OPRM1: variants seen among roughly 807,000 people sequenced by gnomAD.
OPRM1 encodes the protein opioid receptor mu 1.
In OPRM1, 27 loss-of-function variants were observed where a neutral mutation model predicts 31.8. That is an observed-to-expected ratio of 0.85 (90% confidence interval 0.63 to 1.17). The LOEUF (loss-of-function observed/expected upper bound fraction) is 1.17. Among genes scored for constraint, OPRM1 ranks in the 50% most tolerant of loss-of-function variants. The pLI, the probability that OPRM1 is intolerant of heterozygous loss-of-function variation, is 0.00. For synonymous variants in OPRM1, 196 were observed against 189.9 expected (o/e 1.03, Z -0.26); for missense variants, 536 against 511.1 (o/e 1.05, Z -0.47).
At chr6:154,194,204 AG>A (rs1776396742) in intron 3 of OPRM1, among the ~76,000 whole-genome samples, 1 of 152,222 alleles carries the variant, frequency 6.6e-6, no homozygotes, top group Non-Finnish European at 1.5e-5. Context: ...GTTCGAGACC[AG>A]CCTGACCAAC....
At chr6:154,076,893 C>T (rs1787987899) in intron 1 of OPRM1, among the ~76,000 whole-genome samples, 1 of 151,876 alleles carries the variant, frequency 6.6e-6, no homozygotes, top group South Asian at 2.1e-4. Context: ...TTATTTTGTT[C>T]CTTTCCAATA....
At chr6:154,013,747 T>A (rs1777853659) in intron 1 of OPRM1, among the ~76,000 whole-genome samples, 1 of 152,094 alleles carries the variant, frequency 6.6e-6, no homozygotes, top group Non-Finnish European at 1.5e-5. Flanking sequence ...AAGCTGACCC[T>A]GGCTAAGGTG....
At chr6:154,165,865 G>A (rs1227549625) in intron 3 of OPRM1, among the ~76,000 whole-genome samples, 2 of 152,256 alleles carry the variant, frequency 1.3e-5, no homozygotes, top group Non-Finnish European at 2.9e-5. Context: ...GCCCTGTGGA[G>A]AAGCCCATGT....
intron 3 of OPRM1, among the ~76,000 whole-genome samples, chr6:154,224,591 A>G (rs1779112313): frequency 6.6e-6 from 1 of 152,026 alleles, no homozygotes; most frequent in South Asian, 2.1e-4. Flanking sequence ...GGCCCCTGTA[A>G]TTTCAGCTAC....
intron 3 of OPRM1, among the ~76,000 whole-genome samples, chr6:154,180,068 C>T (rs140261110): frequency 7.6e-4 from 115 of 152,290 alleles, no homozygotes; most frequent in African/African-American, 2.6e-3. Flanking sequence ...ACAACTAGCA[C>T]ACTGAGATTT....
chr6:154,196,378 G>T (rs780725604), intron 3 of OPRM1, among the ~76,000 whole-genome samples: 12 of 152,138 alleles, frequency 7.9e-5, no homozygotes, highest in Admixed American at 4.6e-4. Flanking sequence ...GAAACATCAT[G>T]CATGCTCTAG....
intron 3 of OPRM1, chr6:154,156,798 A>G (rs1235288477): frequency 1.3e-5 from 2 of 152,338 alleles, no homozygotes; most frequent in South Asian, 4.1e-4. Flanking sequence ...TATTTGCAAT[A>G]TATCAACCAG....
rs1328025329 is a variant in OPRM1, at chr6:154,123,056, G to C, written c.*4335G>C. Among the ~76,000 whole-genome samples the C allele has an allele frequency of 6.6e-6, 1 of 152,190 alleles. No individual in the cohort carries two copies. Among genetic ancestry groups the C allele is most frequent in the South Asian group, 2.1e-4 (1 of 4,828 alleles). ...CAAAAGAGGAAAGCTCTCTGCAGCAGAGACGGGAGCCCAAGTGGGTTGCTG... is the reference window on the plus strand; with the variant it reads ...CAAAAGAGGAAAGCTCTCTGCAGCACAGACGGGAGCCCAAGTGGGTTGCTG... On this transcript the variant is annotated 3_prime_UTR_variant, in exon 4 of 4. Coordinates refer to ENST00000330432, the MANE Select transcript of OPRM1 (RefSeq NM_000914.5).
intron 3 of OPRM1, chr6:154,221,474 C>T (rs1276915136): frequency 6.0e-6 from 4 of 661,968 alleles, no homozygotes; most frequent in African/African-American, 3.6e-5. Context: ...ATATTAGATA[C>T]CTATTGTCTA....
chr6:154,060,746 T>A (rs996710106), intron 1 of OPRM1, among the ~76,000 whole-genome samples: 1 of 151,952 alleles, frequency 6.6e-6, no homozygotes, highest in African/African-American at 2.4e-5. Flanking sequence ...AGGAGAACAA[T>A]AGGGGCAGAA....
intron 3 of OPRM1, among the ~76,000 whole-genome samples, chr6:154,144,748 CAAAAAAAAAAAAA>C (rs58367883): frequency 3.5e-4 from 25 of 70,508 alleles, no homozygotes; most frequent in Non-Finnish European, 5.4e-5. Flanking sequence ...GACTCTGTCT[CAAAAAAAAAAAAA>C]AAAAAAAAAA....
intron 3 of OPRM1, among the ~76,000 whole-genome samples, chr6:154,214,679 AT>A (rs1321994871): frequency 1.3e-5 from 2 of 152,218 alleles, no homozygotes; most frequent in African/African-American, 4.8e-5. Flanking sequence ...ATGTCAGTTT[AT>A]TTTAGAAAAA....
chr6:154,176,359 A>G (rs981439796), intron 3 of OPRM1, among the ~76,000 whole-genome samples: 4 of 152,224 alleles, frequency 2.6e-5, no homozygotes, highest in Admixed American at 2.0e-4. Flanking sequence ...AGTGTATTCA[A>G]TTAGGAAAAG....
rs1236634211 is a variant in OPRM1, at chr6:154,128,352, A to C, written c.*9631A>C. ...ATAATGAACTCCTTCCTTCTAACTA[A>C]ATCTTATCATAAGCAAATCTATGCA... On this transcript the variant is annotated 3_prime_UTR_variant, in exon 4 of 4. Transcript: ENST00000330432. Among the ~76,000 whole-genome samples the C allele has an allele frequency of 6.6e-6, 1 of 152,188 alleles. No homozygotes were observed. The highest frequency in any genetic ancestry group is 1.5e-5 in the Non-Finnish European group (1 of 68,034).
intron 3 of OPRM1, chr6:154,093,420 T>C (rs1431489381): frequency 6.2e-7 from 1 of 1,614,088 alleles, no homozygotes; most frequent in Admixed American, 1.7e-5. Context: ...TCCCAGCCCG[T>C]CTGGTGGAGC....
intron 3 of OPRM1, among the ~76,000 whole-genome samples, chr6:154,188,953 C>T (rs1439734498): frequency 6.6e-6 from 1 of 151,780 alleles, no homozygotes; most frequent in African/African-American, 2.4e-5. Flanking sequence ...AGCATTTAAC[C>T]ATAAAGGAAA....
chr6:154,012,628 C>A (rs1000717884), intron 1 of OPRM1, among the ~76,000 whole-genome samples: 2 of 152,126 alleles, frequency 1.3e-5, no homozygotes, highest in African/African-American at 4.8e-5. Context: ...TGAATGTATT[C>A]ATTTTCAGCA....
At chr6:154,090,465 A>G (rs548173143) in intron 2 of OPRM1, among the ~76,000 whole-genome samples, 1 of 152,322 alleles carries the variant, frequency 6.6e-6, no homozygotes, top group Admixed American at 6.5e-5. Flanking sequence ...CCCAAGAGTA[A>G]TTGGAGCTTA....
chr6:154,212,726 CAT>C (rs1562544430), intron 3 of OPRM1: 1 of 1,281,890 alleles, frequency 7.8e-7, no homozygotes, highest in Non-Finnish European at 1.1e-6. Context: ...ATGACATCCA[CAT>C]GTCTGATCGA....
Sources: allele counts gnomAD v4.1 joint callset (sites outside exome capture counted in the v4.1 genomes callset), GRCh38; gene constraint gnomAD v4.1.1; transcripts MANE v1.5; gene names NCBI Gene and HGNC (gene_info 2026-07-23, HGNC 2026-07-21).